GREB1: variants seen among roughly 807,000 people sequenced by gnomAD.
GREB1 encodes growth regulating estrogen receptor binding 1.
A neutral mutation model predicts 200.7 loss-of-function variants in GREB1; 106 were observed. The ratio of observed to expected loss-of-function variants is 0.53; its 90% CI spans 0.45 to 0.62. The LOEUF is 0.62. GREB1 is among the 20% of genes least tolerant of loss of function. The pLI is 0.00. For missense variants in GREB1, 2,243 were observed against 2,556.8 expected (o/e 0.88, Z 2.65); for synonymous variants, 1,132 against 1,092.4 (o/e 1.04, Z -0.72).
chr2:11,492,297 C>T lies in GREB1; in HGVS notation c.-159+9916C>T, dbSNP rs921311865. On this transcript the variant is annotated intron_variant, in intron 1 of 2. Transcript: ENST00000628795. This position sits in a 1 kb window ranked among gnomAD's most constrained non-coding sequence, Gnocchi z 4.0. ...GCTAAGTCTGAAGTTAGGACAAAAA[C>T]ATCCCTCATTCTTTCTTCTCCAAAC... Among the ~76,000 whole-genome samples the T allele has an allele frequency of 4.6e-5, 7 of 152,254 alleles. No individual in the cohort carries two copies. The highest frequency in any genetic ancestry group is 7.3e-5 in the Non-Finnish European group (5 of 68,052).
intron 4 of GREB1, among the ~76,000 whole-genome samples, chr2:11,575,803 G>A (rs1473193384): frequency 6.6e-6 from 1 of 152,206 alleles, no homozygotes; most frequent in African/African-American, 2.4e-5. Flanking sequence ...GGAAATAAGA[G>A]CCTGTCGCAT....
Position 11,587,741 on chromosome 2 carries a change from A to ACACACACGCGCGCGCGCGCG in GREB1, c.1160-1004_1160-1003insACACACGCGCGCGCGCGCGC. 3 of 772,966 alleles carry ACACACACGCGCGCGCGCGCG rather than the reference A, an allele frequency of 3.9e-6. No individual in the cohort carries two copies. In the African/African-American group the frequency reaches 5.3e-5, roughly 14 times the overall value. The allele number at this position is 772,966 out of a possible 1,614,324, so 47.9% of individuals were successfully genotyped here. On this transcript the variant is annotated intron_variant, in intron 9 of 32. Coordinates refer to ENST00000381486, the MANE Select transcript of GREB1 (RefSeq NM_014668.4). ...CACACACACACACACACACACACAC[A>ACACACACGCGCGCGCGCGCG]CGCCACCTTTGGGAGCTCAGCAGCC...
rs184721221 is a variant in GREB1, at chr2:11,583,082, T to C, written c.902-2079T>C. On this transcript the variant is annotated intron_variant, in intron 7 of 32. Coordinates refer to ENST00000381486, the MANE Select transcript of GREB1 (RefSeq NM_014668.4). The stretch of plus-strand genomic sequence containing the variant: ...CCTCCCCAAGAGACATTTTGAGAAA[T>C]AGTTGATCCACATTGGTACCATGGG... Among the ~76,000 whole-genome samples, 95 of 152,210 alleles carry C rather than the reference T, an allele frequency of 6.2e-4. 1 individual carries two copies. The highest frequency in any genetic ancestry group is 2.2e-3 in the African/African-American group (93 of 41,540).
At chr2:11,590,582 C>G (rs1680630053) in intron 10 of GREB1, among the ~76,000 whole-genome samples, 1 of 152,158 alleles carries the variant, frequency 6.6e-6, no homozygotes, top group East Asian at 1.9e-4. Flanking sequence ...TCAGCAAGAC[C>G]TTCTTGTTAC....
intron 31 of GREB1, 49 bp from the exon 32 acceptor site, chr2:11,638,622 G>GT: frequency 6.3e-7 from 1 of 1,586,258 alleles, no homozygotes; most frequent in African/African-American, 1.4e-5. Flanking sequence ...TAATGTTACT[G>GT]AGCATTTCAT....
At chr2:11,555,906 TC>T (rs1467135559) in intron 1 of GREB1, among the ~76,000 whole-genome samples, 1 of 152,158 alleles carries the variant, frequency 6.6e-6, no homozygotes, top group East Asian at 1.9e-4. Context: ...AGAAAAAAAG[TC>T]ACAGTGGTTC....
At chr2:11,526,936 AT>A (rs1404365526) in intron 1 of GREB1, among the ~76,000 whole-genome samples, 1 of 152,092 alleles carries the variant, frequency 6.6e-6, no homozygotes, top group African/African-American at 2.4e-5. Context: ...TGATTTTTGA[AT>A]TTTAGGTAAT....
chr2:11,552,744 G>T (rs934966820), intron 1 of GREB1, among the ~76,000 whole-genome samples: 11 of 152,080 alleles, frequency 7.2e-5, no homozygotes, highest in Middle Eastern at 3.4e-3. Flanking sequence ...GGGCGCGGTG[G>T]CTCACGCCTG....
At chr2:11,630,198 A>G in intron 26 of GREB1, 89 bp downstream of exon 26, 1 of 1,290,162 alleles carries the variant, frequency 7.8e-7, no homozygotes, top group South Asian at 1.3e-5. Flanking sequence ...CCTGTGAGGG[A>G]GTGCAGACAC....
intron 4 of GREB1, among the ~76,000 whole-genome samples, chr2:11,571,986 C>T (rs998741031): frequency 6.6e-6 from 1 of 152,382 alleles, no homozygotes; most frequent in African/African-American, 2.4e-5. Context: ...GCTGGGATTA[C>T]AGGCGTGAGC....
chr2:11,499,501 A>G (rs1672973253), intron 1 of GREB1, among the ~76,000 whole-genome samples: 1 of 152,228 alleles, frequency 6.6e-6, no homozygotes, highest in Non-Finnish European at 1.5e-5. Flanking sequence ...CTTAGCTTCT[A>G]CTGTGCTGTT....
intron 22 of GREB1, 76 bp from the exon 23 acceptor site, chr2:11,620,829 T>C: frequency 1.2e-6 from 1 of 802,294 alleles, no homozygotes; most frequent in South Asian, 1.4e-5. Flanking sequence ...TCAGGAGCCA[T>C]GCCAGGTGTT....
intron 29 of GREB1, 149 bp downstream of exon 29, chr2:11,634,498 ATT>A (rs1685148869): frequency 1.6e-6 from 1 of 620,494 alleles, no homozygotes; most frequent in Non-Finnish European, 2.9e-6. Flanking sequence ...GTGCTGAATA[ATT>A]TTGAGTATTC....
At chr2:11,527,633 C>T (rs1430477582) in intron 1 of GREB1, among the ~76,000 whole-genome samples, 1 of 152,218 alleles carries the variant, frequency 6.6e-6, no homozygotes, top group Admixed American at 6.5e-5. Context: ...AATAGCAAGA[C>T]TGCACTCATT....
At chr2:11,524,711 T>A (rs921149725) in intron 1 of GREB1, among the ~76,000 whole-genome samples, 1 of 152,200 alleles carries the variant, frequency 6.6e-6, no homozygotes, top group Admixed American at 6.5e-5. Context: ...TCTTCACTGG[T>A]TGCATGGATG....
intron 1 of GREB1, among the ~76,000 whole-genome samples, chr2:11,547,737 C>A (rs1187318675): frequency 6.6e-6 from 1 of 152,080 alleles, no homozygotes; most frequent in Non-Finnish European, 1.5e-5. Flanking sequence ...TTTTTAAATT[C>A]TTTCCTTTTT....
intron 17 of GREB1, among the ~76,000 whole-genome samples, chr2:11,608,953 G>A (rs1463933809): frequency 2.0e-5 from 3 of 152,134 alleles, no homozygotes; most frequent in African/African-American, 4.8e-5. Flanking sequence ...GGAGACCACC[G>A]AGCTTTGGCT....
intron 1 of GREB1, among the ~76,000 whole-genome samples, chr2:11,520,355 G>A (rs1041905069): frequency 6.6e-6 from 1 of 152,204 alleles, no homozygotes; most frequent in East Asian, 1.9e-4. Flanking sequence ...CCAGAAGATC[G>A]GTTTTGGTCT....
intron 10 of GREB1, among the ~76,000 whole-genome samples, chr2:11,592,544 A>T (rs887656732): frequency 1.3e-5 from 2 of 150,390 alleles, no homozygotes; most frequent in African/African-American, 5.0e-5. Context: ...TCTTATAATT[A>T]AAAAAAAACT....
Sources: gnomAD v4.1 joint callset for allele counts (sites outside exome capture counted in the v4.1 genomes callset) on GRCh38, gnomAD v4.1.1 for gene constraint, Gnocchi (gnomAD v3.1) non-coding constraint, MANE v1.5 for transcripts, NCBI Gene and HGNC (gene_info 2026-07-23, HGNC 2026-07-21) for gene names.